ATXN2L: variants seen among roughly 807,000 people sequenced by gnomAD.
ATXN2L encodes ataxin 2 like.
In ATXN2L, 24 loss-of-function variants were observed where a neutral mutation model predicts 120.7. The observed-to-expected ratio is 0.20, with a 90% CI of 0.14 to 0.28. The LOEUF (loss-of-function observed/expected upper bound fraction) is 0.28. ATXN2L is among the 10% of genes least tolerant of loss of function. The pLI, the probability that ATXN2L is intolerant of heterozygous loss-of-function variation, is 1.00. For missense variants in ATXN2L, 1,312 were observed against 1,432.3 expected, an observed-to-expected ratio of 0.92 and a Z score of 1.36; for synonymous variants, 653 against 568.1, an observed-to-expected ratio of 1.15 and a Z score of -2.13.
In ATXN2L at chr16:28,828,432, C is replaced by G. The variant is rs142188314; in HGVS notation, c.742-969C>G. On this transcript the variant is annotated intron_variant, in intron 6 of 21. Transcript: ENST00000336783. ...AGAAGCCCCATCTCTACTAAAAATA[C>G]AAAATTAGCTGGGCGTGGTGGCACA... Among the ~76,000 whole-genome samples, 677 of 152,074 alleles carry G rather than the reference C, an allele frequency of 4.5e-3. 8 individuals carry two copies. Among genetic ancestry groups the G allele is most frequent in the South Asian group, 0.017 (82 of 4,826 alleles).
chr16:28,827,378 T>C (rs990928435), intron 6 of ATXN2L, among the ~76,000 whole-genome samples: 1 of 151,096 alleles, frequency 6.6e-6, no homozygotes, highest in African/African-American at 2.4e-5. Context: ...GAGGCTACAG[T>C]GAGCTGTGAT....
In ATXN2L at chr16:28,830,977, C is replaced by A; in HGVS notation, c.1226C>A (p.Ser409Tyr). 6.3e-7 allele frequency: 1 copy of A among 1,581,510 alleles called. No individual in the cohort carries two copies. The highest frequency in any genetic ancestry group is 8.5e-7 in the Non-Finnish European group (1 of 1,172,338). ...RGINGGPSRM[S>Y]PKAQRPLRGA... ...AACCAAACAGGCCCTTCCCGCATGT[C>A]CCCAAAGGCACAACGGCCTCTGAGA... Residue 409 changes from serine to tyrosine, a missense_variant, in exon 10 of 22, where the codon TCC becomes TAC. Transcript: ENST00000336783.
intron 6 of ATXN2L, among the ~76,000 whole-genome samples, chr16:28,827,906 A>G (rs924331244): frequency 1.3e-5 from 2 of 152,138 alleles, no homozygotes; most frequent in South Asian, 2.1e-4. Context: ...TAGCGAGACT[A>G]TCTGTTGAGA....
chr16:28,826,788 G>A, intron 5 of ATXN2L, 74 bp from the exon 6 acceptor site: 3 of 1,457,848 alleles, frequency 2.1e-6, no homozygotes, highest in Non-Finnish European at 2.7e-6. Flanking sequence ...CTTACGGAGA[G>A]TGGGGTTGGG....
At position 28,826,955 on chromosome 16, in the gene ATXN2L, A is replaced by G. The variant is rs748431706; in HGVS notation, c.710A>G (p.Asn237Ser). 2 of 1,579,738 alleles carry G rather than the reference A, an allele frequency of 1.3e-6. No homozygotes were observed. Among genetic ancestry groups the G allele is most frequent in the Middle Eastern group, 1.7e-4 (1 of 5,906 alleles). Reference sequence around the variant, plus strand: ...CAGCGCTGGGAGGGGGGTGACAGCAACAGCGACGACTATGACCTCGAGTCT... The same window carrying G: ...CAGCGCTGGGAGGGGGGTGACAGCAGCAGCGACGACTATGACCTCGAGTCT... ...VLQRWEGGDS[N>S]SDDYDLESDM... Residue 237 changes from asparagine to serine, a missense_variant, in exon 6 of 22, where the codon AAC (asparagine) becomes AGC (serine). Physicochemically the swap from Asn to Ser is conservative, Grantham distance 46. Transcript: ENST00000336783.
In ATXN2L at chr16:28,829,878, A is replaced by G. The variant is rs2053707798; in HGVS notation, c.854A>G (p.Asn285Ser). The G allele has an allele frequency of 1.2e-6, 2 of 1,614,070 alleles. No homozygotes were observed. Among genetic ancestry groups the G allele is most frequent in the Admixed American group, 1.7e-5 (1 of 59,990 alleles). ...CTCAGGGTGCCCTTAGAAAAGGACA[A>G]CTCAGAAGAGTTTCGTCAGCGAGAG... ...SSYTVPLEKD[N>S]SEEFRQRELR... is the part of the protein sequence containing the mutation. Residue 285 changes from asparagine to serine, a missense_variant, in exon 8 of 22, where the codon AAC becomes AGC. Asn to Ser is a conservative substitution (Grantham distance 46). Coordinates refer to ENST00000336783, the MANE Select transcript of ATXN2L (RefSeq NM_007245.4).
intron 8 of ATXN2L, 66 bp downstream of exon 8, chr16:28,830,124 G>C: frequency 6.9e-7 from 1 of 1,451,114 alleles, no homozygotes; most frequent in Non-Finnish European, 9.3e-7. Context: ...TGGGCCCAGA[G>C]TTGATGAGTG....
At chr16:28,824,267 C>G (rs2050853177) in intron 1 of ATXN2L, 2 of 1,157,738 alleles carry the variant, frequency 1.7e-6, no homozygotes, top group Admixed American at 4.0e-5. Flanking sequence ...GTAGTGGAGG[C>G]CCTGCTCAGT....
intron 1 of ATXN2L, 40 bp downstream of exon 1, chr16:28,823,598 C>G (rs2050372252): frequency 3.9e-6 from 5 of 1,293,484 alleles, no homozygotes; most frequent in Non-Finnish European, 4.9e-6. Context: ...CCGCGGCCAC[C>G]CAGAGGCTGT....
rs755417897 is a variant in ATXN2L at position 28,823,325 on chromosome 16, C to A, written c.66C>A (p.Ala22=). 4 of 1,415,676 alleles carry A rather than the reference C, an allele frequency of 2.8e-6. No homozygotes were observed. Among genetic ancestry groups the A allele is most frequent in the Admixed American group, 5.4e-5 (2 of 36,726 alleles). 87.7% of individuals were successfully genotyped at this position (1,415,676 alleles called of 1,614,324 possible). Residue 22 remains alanine, a synonymous_variant, in exon 1 of 22, where the codon GCC becomes GCA. Transcript: ENST00000336783. ...AGCAGCCGCCCCCCACGCAACAGGC[C>A]GTGGCCCGTCGGCCCCCCGGGGGCA... is the stretch of plus-strand genomic sequence containing the variant. The part of the protein sequence containing the change: ...QPQQPPPTQQ[A]VARRPPGGTS...
Position 28,826,387 on chromosome 16 carries a change from A to G in ATXN2L, c.613A>G (p.Lys205Glu), listed in dbSNP as rs1366745010. The change falls in exon 5 of 22, where the codon AAA (lysine) becomes GAA (glutamate). Residue 205 changes from lysine to glutamate, a missense_variant. Lys to Glu is a moderately conservative substitution (Grantham distance 56). Transcript: ENST00000336783. ...AAATGTTGACTTCAACTATGCTACTAAAGGTATTGTCCTAGGCTGTTACCT... is the reference window on the plus strand; with the variant it reads ...AAATGTTGACTTCAACTATGCTACTGAAGGTATTGTCCTAGGCTGTTACCT... ...FRNVDFNYATKDKFTDSAIAM... is the reference protein window; with the variant it reads ...FRNVDFNYATEDKFTDSAIAM... The G allele has an allele frequency of 6.2e-7, 1 of 1,613,998 alleles. No individual in the cohort carries two copies. Among genetic ancestry groups the G allele is most frequent in the Non-Finnish European group, 8.5e-7 (1 of 1,180,006 alleles).
In ATXN2L at chr16:28,836,297, C is replaced by T. The variant is rs1463120483; in HGVS notation, c.*32C>T. The stretch of plus-strand genomic sequence containing the variant: ...TTGGAGGCAGGGCTGTCCCACAGGG[C>T]GCCCGCCGACCTGCACCTGTCTGTG... On this transcript the variant is annotated 3_prime_UTR_variant, in exon 22 of 22. Transcript: ENST00000336783. 5.6e-6 allele frequency: 9 copies of T among 1,608,480 alleles called. No homozygotes were observed. Among genetic ancestry groups the T allele is most frequent in the African/African-American group, 2.7e-5 (2 of 74,814 alleles).
At chr16:28,833,596 C>A in intron 15 of ATXN2L, 88 bp downstream of exon 15, 1 of 1,318,636 alleles carries the variant, frequency 7.6e-7, no homozygotes, top group Non-Finnish European at 1.1e-6. Context: ...GAACACTTCA[C>A]TTCCAGGACC....
chr16:28,826,188 C>T (rs1033798791), intron 4 of ATXN2L, 52 bp from the exon 5 acceptor site: 91 of 1,597,828 alleles, frequency 5.7e-5, no homozygotes, highest in Non-Finnish European at 7.3e-5. Context: ...CTATTTTTGC[C>T]TTCACTTTTC....
In ATXN2L at chr16:28,836,081, C is replaced by T. The variant is rs754246598; in HGVS notation, c.3044C>T (p.Ala1015Val). Residue 1015 changes from alanine to valine, a missense_variant, in exon 22 of 22, where the codon GCT becomes GTT. Physicochemically the swap from Ala to Val is moderately conservative, Grantham distance 64. Transcript: ENST00000336783. ...VPQSGVPALS[A>V]STPSPYPYIG... ...CAGAGTGGGGTGCCTGCACTCTCAGCTTCCACACCCTCACCCTACCCCTAC... is the reference window on the plus strand; with the variant it reads ...CAGAGTGGGGTGCCTGCACTCTCAGTTTCCACACCCTCACCCTACCCCTAC... The T allele has an allele frequency of 5.0e-6, 8 of 1,612,428 alleles. No homozygotes were observed. Among genetic ancestry groups the T allele is most frequent in the Non-Finnish European group, 6.8e-6 (8 of 1,178,778 alleles).
At chr16:28,830,320 T>G (rs1218521501) in intron 8 of ATXN2L, among the ~76,000 whole-genome samples, 1 of 152,218 alleles carries the variant, frequency 6.6e-6, no homozygotes, top group Non-Finnish European at 1.5e-5. Flanking sequence ...ATTTGTGTCT[T>G]TTAAAAACTA....
intron 13 of ATXN2L, 50 bp from the exon 14 acceptor site, chr16:28,833,009 C>T (rs372800790): frequency 6.3e-7 from 1 of 1,597,144 alleles, no homozygotes; most frequent in Non-Finnish European, 8.6e-7. Context: ...AGAAGAAAGC[C>T]AGGACTAGGG....
intron 8 of ATXN2L, 97 bp downstream of exon 8, chr16:28,830,155 C>CATTTTA: frequency 8.0e-7 from 1 of 1,250,478 alleles, no homozygotes; most frequent in Non-Finnish European, 1.1e-6. Flanking sequence ...AGCCTTGTGA[C>CATTTTA]CATGTAAAAT....
Position 28,823,264 on chromosome 16 carries a change from T to G in ATXN2L, c.5T>G (p.Leu2Trp). 2 of 1,488,134 alleles carry G rather than the reference T, an allele frequency of 1.3e-6. No homozygotes were observed. The highest frequency in any genetic ancestry group is 1.8e-6 in the Non-Finnish European group (2 of 1,118,708). 92.2% of individuals were successfully genotyped at this position (1,488,134 alleles called of 1,614,324 possible). Residue 2 changes from leucine to tryptophan, a missense_variant, in exon 1 of 22, where the codon TTG becomes TGG. Transcript: ENST00000336783. ...CCCCTTCCGGACGCTGCCATCATGTTGAAGCCTCAGCCGCTACAACAGCCC... is the reference window on the plus strand; with the variant it reads ...CCCCTTCCGGACGCTGCCATCATGTGGAAGCCTCAGCCGCTACAACAGCCC... M[L>W]KPQPLQQPSQ... is the part of the protein sequence containing the mutation.
Sources: allele counts gnomAD v4.1 joint callset (sites outside exome capture counted in the v4.1 genomes callset), GRCh38; gene constraint gnomAD v4.1.1; transcripts MANE v1.5; gene names NCBI Gene and HGNC (gene_info 2026-07-23, HGNC 2026-07-21).